ASAP1: variants seen among roughly 807,000 people sequenced by gnomAD.
ASAP1 encodes the protein ArfGAP with SH3 domain, ankyrin repeat and PH domain 1.
A neutral mutation model predicts 145.2 loss-of-function variants in ASAP1; 43 were observed. The ratio of observed to expected loss-of-function variants is 0.30; its 90% CI spans 0.23 to 0.38. ASAP1 has a LOEUF of 0.38. ASAP1 is among the 10% of genes least tolerant of loss of function. ASAP1 has a pLI of 1.00. For missense variants in ASAP1, 1,018 were observed against 1,355.3 expected, an observed-to-expected ratio of 0.75 and a Z score of 3.91; for synonymous variants, 546 against 515.5, an observed-to-expected ratio of 1.06 and a Z score of -0.80.
At chr8:130,115,948 G>A (rs1272905336) in intron 22 of ASAP1, among the ~76,000 whole-genome samples, 1 of 152,170 alleles carries the variant, frequency 6.6e-6, no homozygotes, top group Non-Finnish European at 1.5e-5. Flanking sequence ...TCTTTATTTT[G>A]ATGACTTGTC....
intron 25 of ASAP1, among the ~76,000 whole-genome samples, chr8:130,091,730 T>C (rs989835846): frequency 1.3e-5 from 2 of 152,244 alleles, no homozygotes; most frequent in Non-Finnish European, 2.9e-5. Context: ...AGAGTTGCTA[T>C]TATAATTGAG....
At chr8:130,220,044 C>T (rs903345844) in intron 4 of ASAP1, among the ~76,000 whole-genome samples, 4 of 152,192 alleles carry the variant, frequency 2.6e-5, no homozygotes, top group African/African-American at 9.7e-5. Flanking sequence ...CCACATTGGC[C>T]ACCCAAAGTG....
At chr8:130,184,282 T>G (rs1814565935) in intron 7 of ASAP1, among the ~76,000 whole-genome samples, 1 of 152,192 alleles carries the variant, frequency 6.6e-6, no homozygotes. Flanking sequence ...GGGGTGTCTA[T>G]GCAAGGGAAT....
chr8:130,057,907 C>A, intron 29 of ASAP1, 47 bp downstream of exon 29: 1 of 1,603,924 alleles, frequency 6.2e-7, no homozygotes, highest in Non-Finnish European at 8.5e-7. Context: ...CCTGCCCAGG[C>A]ATGCTGTATG....
At position 130,118,538 on chromosome 8, in the gene ASAP1, A is replaced by G; in HGVS notation, c.1745T>C (p.Val582Ala). The G allele has an allele frequency of 6.2e-7, 1 of 1,614,096 alleles. No individual in the cohort carries two copies. The highest frequency in any genetic ancestry group is 8.5e-7 in the Non-Finnish European group (1 of 1,179,970). ...KSRDLLALIQ[V>A]YAEGVELMEP... ...CATTAGCTCTACCCCTTCTGCATAG[A>G]CTTGAATTAGTGCAAGTAAATCCCT... The change falls in exon 19 of 30, where the codon GTC becomes GCC. Residue 582 changes from valine (V) to alanine (A), a missense_variant. Physicochemically the swap from Val to Ala is moderately conservative, Grantham distance 64 (BLOSUM62 0). Around this residue, in one of 9 missense-constraint regions of ASAP1, gnomAD observed 353 missense variants for 375.4 expected, o/e 0.94. Transcript: ENST00000518721.
intron 3 of ASAP1, among the ~76,000 whole-genome samples, chr8:130,296,474 T>C (rs1472279701): frequency 6.6e-6 from 1 of 151,436 alleles, no homozygotes. Flanking sequence ...CAGGGGTCCC[T>C]GTGCTATTTA....
At chr8:130,072,824 T>TGTGTGTGTGTGTGTGTGTGTGTGTGTGA in intron 27 of ASAP1, among the ~76,000 whole-genome samples, 1 of 32,314 alleles carries the variant, frequency 3.1e-5, no homozygotes, top group South Asian at 1.7e-3. Context: ...TGTGTGTGTG[T>TGTGTGTGTGTGTGTGTGTGTGTGTGTGA]GCGCGCGGGG....
intron 24 of ASAP1, among the ~76,000 whole-genome samples, chr8:130,104,984 T>C (rs2097534603): frequency 1.3e-5 from 2 of 152,224 alleles, no homozygotes; most frequent in Admixed American, 1.3e-4. Flanking sequence ...ACAAAAGTTA[T>C]ATCTATCCAA....
chr8:130,300,913 C>G (rs1822621270), intron 3 of ASAP1, among the ~76,000 whole-genome samples: 1 of 152,124 alleles, frequency 6.6e-6, no homozygotes, highest in African/African-American at 2.4e-5. Context: ...AGAAGGGGGG[C>G]TCCCTGCACT....
In ASAP1 at chr8:130,112,081, T is replaced by G. The variant is rs1251366202; in HGVS notation, c.2401+13A>C. On this transcript the variant is annotated intron_variant, in intron 24 of 29. Transcript: ENST00000518721. Reference sequence around the variant, plus strand: ...TCGAGGATGGAGTCACAAGCCCTTCTCAAAGCCCATACCTTTCCCGGCGTT... The same window carrying G: ...TCGAGGATGGAGTCACAAGCCCTTCGCAAAGCCCATACCTTTCCCGGCGTT... The G allele has an allele frequency of 6.2e-7, 1 of 1,609,888 alleles. No homozygotes were observed.
chr8:130,136,933 G>C lies in ASAP1; in HGVS notation c.1168+18C>G, dbSNP rs2097596219. The C allele has an allele frequency of 1.2e-6, 2 of 1,608,432 alleles. No individual in the cohort carries two copies. Among genetic ancestry groups the C allele is most frequent in the African/African-American group, 2.7e-5 (2 of 74,904 alleles). ...CAGAAGCCACAATAACCAACTCAGAGAGAGAAAAAGGACTCACGTGATATC... is the reference window on the plus strand; with the variant it reads ...CAGAAGCCACAATAACCAACTCAGACAGAGAAAAAGGACTCACGTGATATC... On this transcript the variant is annotated intron_variant, in intron 14 of 29. Transcript: ENST00000518721.
chr8:130,108,757 G>GTTTTTTTTTTTTTTTTTTT (rs10568607), intron 24 of ASAP1, among the ~76,000 whole-genome samples: 2 of 51,524 alleles, frequency 3.9e-5, no homozygotes, highest in Non-Finnish European at 6.5e-5. Flanking sequence ...TCAAAAACCA[G>GTTTTTTTTTTTTTTTTTTT]TTTTTTTTTT....
At chr8:130,187,367 A>G (rs1407182694) in intron 6 of ASAP1, 82 bp from the exon 7 acceptor site, 2 of 1,208,952 alleles carry the variant, frequency 1.7e-6, no homozygotes, top group African/African-American at 1.5e-5. Flanking sequence ...CATCTTAGCA[A>G]GAATTGTTTC....
intron 5 of ASAP1, among the ~76,000 whole-genome samples, chr8:130,203,460 G>A (rs1816000585): frequency 6.6e-6 from 1 of 152,200 alleles, no homozygotes; most frequent in South Asian, 2.1e-4. Context: ...CTGGGCTGTA[G>A]GACCTCCCAA....
chr8:130,285,945 A>G (rs892639363), intron 3 of ASAP1, among the ~76,000 whole-genome samples: 1 of 152,222 alleles, frequency 6.6e-6, no homozygotes, highest in Non-Finnish European at 1.5e-5. Context: ...ATAATTTGCT[A>G]CCTGTCTTAA....
intron 18 of ASAP1, among the ~76,000 whole-genome samples, chr8:130,120,201 G>A (rs551380832): frequency 6.6e-6 from 1 of 152,334 alleles, no homozygotes; most frequent in South Asian, 2.1e-4. Flanking sequence ...GATGGCTAGA[G>A]CCTGATGAAT....
At chr8:130,346,459 C>T (rs2791352) in intron 3 of ASAP1, among the ~76,000 whole-genome samples, 3 of 151,898 alleles carry the variant, frequency 2.0e-5, no homozygotes, top group African/African-American at 7.3e-5. Context: ...CATTTTTTTT[C>T]TTGAGGATGA....
At chr8:130,343,357 T>C (rs905827845) in intron 3 of ASAP1, among the ~76,000 whole-genome samples, 1 of 152,136 alleles carries the variant, frequency 6.6e-6, no homozygotes, top group Non-Finnish European at 1.5e-5. Flanking sequence ...AGCAGAGAGT[T>C]TGAAAACACC....
At chr8:130,378,595 C>T (rs933856819) in intron 2 of ASAP1, among the ~76,000 whole-genome samples, 3 of 152,236 alleles carry the variant, frequency 2.0e-5, no homozygotes, top group Admixed American at 6.5e-5. Context: ...CAAGGGTGGC[C>T]GAGGAAGACC....
Sources: allele counts gnomAD v4.1 joint callset (sites outside exome capture counted in the v4.1 genomes callset), GRCh38; gene constraint gnomAD v4.1.1; regional missense constraint gnomAD v4.1.1; transcripts MANE v1.5; gene names NCBI Gene and HGNC (gene_info 2026-07-23, HGNC 2026-07-21).